MTX3: variants seen among roughly 807,000 people sequenced by gnomAD.
MTX3 encodes metaxin 3, also known as metaxin-3.
In MTX3, 27 loss-of-function variants were observed where a neutral mutation model predicts 42.5. That is an observed-to-expected ratio of 0.64 (90% CI 0.47 to 0.88). The LOEUF (loss-of-function observed/expected upper bound fraction) is 0.88. Among genes scored for constraint, MTX3 ranks in the 40% least tolerant of loss-of-function variants. MTX3 has a pLI of 0.00. For synonymous variants in MTX3, 144 were observed against 132.9 expected (o/e 1.08, Z -0.57); for missense variants, 378 against 367.0 (o/e 1.03, Z -0.25).
rs919251472 is a variant in MTX3, at chr5:79,983,629, G to T, written c.*55C>A. 1.4e-5 allele frequency: 18 copies of T among 1,269,580 alleles called. No homozygotes were observed. Among genetic ancestry groups the T allele is most frequent in the Non-Finnish European group, 1.8e-5 (16 of 865,382 alleles). 78.6% of individuals were successfully genotyped at this position (1,269,580 alleles called of 1,614,324 possible). A position where few individuals can be genotyped will look rare whatever the true frequency, so the allele number is the denominator to read the frequency against. The stretch of plus-strand genomic sequence containing the variant: ...TCTTCTTTTTGCCTTCACACACTTG[G>T]TGTAAGAGATTACTGCAACAATCGT... On this transcript the variant is annotated 3_prime_UTR_variant, in exon 9 of 9. Coordinates refer to ENST00000512528, the MANE Select transcript of MTX3 (RefSeq NM_001363818.2).
rs1214243595 is a variant in MTX3, at chr5:79,979,968, A to G, written c.*3716T>C. The stretch of plus-strand genomic sequence containing the variant: ...TACATTTAATCTATGAATTTACTTT[A>G]AAACCACTTTTATTTTGAAATACTT... On this transcript the variant is annotated 3_prime_UTR_variant, in exon 9 of 9. Transcript: ENST00000512528. 1 of 152,220 alleles carries G rather than the reference A, an allele frequency of 6.6e-6. No individual in the cohort carries two copies. The highest frequency in any genetic ancestry group is 1.5e-5 in the Non-Finnish European group (1 of 68,036). The allele number at this position is 152,220 out of a possible 1,614,324, so 9.4% of individuals were successfully genotyped here.
In MTX3 at chr5:79,988,629, C is replaced by A; in HGVS notation, c.337G>T (p.Val113Phe). 6.3e-7 allele frequency: 1 copy of A among 1,586,732 alleles called. No homozygotes were observed. The highest frequency in any genetic ancestry group is 8.6e-7 in the Non-Finnish European group (1 of 1,165,976). ...ACAGTAAAGTAATTGTCACTCTCAA[C>A]CCAGAATGTGTGAAGCTGCAAAAGA... ...LLPAVLHTFW[V>F]ESDNYFTVTK... Residue 113 changes from valine (V) to phenylalanine (F), a missense_variant, in exon 5 of 9, where the codon GTT (valine) becomes TTT (phenylalanine). Physicochemically the swap from Val to Phe is conservative, Grantham distance 50. Transcript: ENST00000512528.
chr5:79,990,808 C>A (rs964622499), intron 1 of MTX3, 145 bp from the exon 2 acceptor site: 17 of 755,788 alleles, frequency 2.2e-5, no homozygotes, highest in Non-Finnish European at 2.6e-5. Flanking sequence ...CAAGTAGGGA[C>A]GCGGGCGCCA....
rs969670163 is a variant in MTX3 at position 79,985,805 on chromosome 5, T to C, written c.740-146A>G. 3 of 596,254 alleles carry C rather than the reference T, an allele frequency of 5.0e-6. No homozygotes were observed. The Admixed American group carries it at 9.8e-5, about 19-fold the overall frequency. 36.9% of individuals were successfully genotyped at this position (596,254 alleles called of 1,614,324 possible). On this transcript the variant is annotated intron_variant, in intron 7 of 8. Transcript: ENST00000512528. ...GGCAAAGAGGAAAACCATTCTGGGT[T>C]TAAAGGCGAAGAGAGGGATTCGAAT...
At position 79,990,194 on chromosome 5, in the gene MTX3, T is replaced by G; in HGVS notation, c.194A>C (p.Gln65Pro). The G allele has an allele frequency of 6.2e-7, 1 of 1,610,266 alleles. No homozygotes were observed. Among genetic ancestry groups the G allele is most frequent in the Non-Finnish European group, 8.5e-7 (1 of 1,178,334 alleles). Residue 65 changes from glutamine (Q) to proline (P), a missense_variant, in exon 3 of 9, where the codon CAG becomes CCG. Gln to Pro is a moderately conservative substitution (Grantham distance 76, BLOSUM62 -1). Coordinates refer to ENST00000512528, the MANE Select transcript of MTX3 (RefSeq NM_001363818.2). ...TAAAAAGTTTAGTATTTTTGCTGGC[T>G]GAGAAACCATGTCGTCTTCAGTTGT... ...ILTTEDDMVS[Q>P]PAKILNFLRK...
rs1392686319 is a variant in MTX3 at position 79,990,673 on chromosome 5, A to G, written c.82-10T>C. On this transcript the variant is annotated splice_polypyrimidine_tract_variant and intron_variant, in intron 1 of 8. Transcript: ENST00000512528. ...AAAATTTGGCATAAGCCTGAAACAG[A>G]GTTTGCAATCAAACATTTTAGACCA... 6.2e-7 allele frequency: 1 copy of G among 1,609,578 alleles called. No individual in the cohort carries two copies. Among genetic ancestry groups the G allele is most frequent in the Non-Finnish European group, 8.5e-7 (1 of 1,176,394 alleles).
At chr5:79,986,221 A>G (rs576695742) in intron 7 of MTX3, among the ~76,000 whole-genome samples, 4 of 152,342 alleles carry the variant, frequency 2.6e-5, no homozygotes, top group Non-Finnish European at 4.4e-5. Context: ...TCCCAAGTTA[A>G]CACGGTTGAA....
chr5:79,983,124 T>C lies in MTX3; in HGVS notation c.*560A>G, dbSNP rs1341291900. The C allele has an allele frequency of 6.4e-6, 1 of 155,480 alleles. No homozygotes were observed. The highest frequency in any genetic ancestry group is 2.0e-4 in the South Asian group (1 of 5,086). The allele number at this position is 155,480 out of a possible 1,614,324, so 9.6% of individuals were successfully genotyped here. On this transcript the variant is annotated 3_prime_UTR_variant, in exon 9 of 9. Coordinates refer to ENST00000512528, the MANE Select transcript of MTX3 (RefSeq NM_001363818.2). ...CTAAACCCCCAAAAGATTAGACTTA[T>C]GAGAGCATAATTAAAAAGCACATTC...
chr5:79,990,118 T>TCAA (rs1330028874), intron 3 of MTX3, 42 bp downstream of exon 3: 1 of 1,296,062 alleles, frequency 7.7e-7, no homozygotes, highest in Non-Finnish European at 1.1e-6. Flanking sequence ...CATGCAGGGA[T>TCAA]CAACAATCTA....
At chr5:79,985,440 A>T in intron 8 of MTX3, 131 bp downstream of exon 8, 1 of 668,380 alleles carries the variant, frequency 1.5e-6, no homozygotes, top group Non-Finnish European at 2.6e-6. Flanking sequence ...AAGTATATTT[A>T]AACAGTTTTC....
Position 79,978,195 on chromosome 5 carries a change from C to G in MTX3, c.*5489G>C, listed in dbSNP as rs545722859. On this transcript the variant is annotated 3_prime_UTR_variant, in exon 9 of 9. Coordinates refer to ENST00000512528, the MANE Select transcript of MTX3 (RefSeq NM_001363818.2). ...CACTGGCTAGAGGGGCACCCAACAA[C>G]AAGAAACCTTTGTAATGAGTATGAA... is the stretch of plus-strand genomic sequence containing the variant. The G allele has an allele frequency of 5.3e-5, 8 of 152,354 alleles. No homozygotes were observed. Among genetic ancestry groups the G allele is most frequent in the African/African-American group, 1.4e-4 (6 of 41,554 alleles). The allele number at this position is 152,354 out of a possible 1,614,324, so 9.4% of individuals were successfully genotyped here.
chr5:79,989,341 A>C, intron 3 of MTX3, 97 bp from the exon 4 acceptor site: 1 of 726,872 alleles, frequency 1.4e-6, no homozygotes, highest in Non-Finnish European at 2.2e-6. Flanking sequence ...TTCCTTACAA[A>C]TAGCAAACGT....
rs1268286071 is a variant in MTX3, at chr5:79,980,129, C to CA, written c.*3554dup. On this transcript the variant is annotated 3_prime_UTR_variant, in exon 9 of 9. Transcript: ENST00000512528. ...TTTTTGACAGTTGATGAAAAACTGT[C>CA]AAAAAATTGTAACAAGCCTGGTAAA... is the stretch of plus-strand genomic sequence containing the variant. 3 of 152,006 alleles carry CA rather than the reference C, an allele frequency of 2.0e-5. No homozygotes were observed. The highest frequency in any genetic ancestry group is 2.9e-5 in the Non-Finnish European group (2 of 67,978). The allele number at this position is 152,006 out of a possible 1,614,324, so 9.4% of individuals were successfully genotyped here.
rs1238200099 is a variant in MTX3 at position 79,979,852 on chromosome 5, A to G, written c.*3832T>C. On this transcript the variant is annotated 3_prime_UTR_variant, in exon 9 of 9. Transcript: ENST00000512528. Reference sequence around the variant, plus strand: ...TTCTTAAGAATGAAATAAAAATTCTATTTAACTTCTATCATATATTTATTC... The same window carrying G: ...TTCTTAAGAATGAAATAAAAATTCTGTTTAACTTCTATCATATATTTATTC... 1.3e-5 allele frequency: 2 copies of G among 152,072 alleles called. No individual in the cohort carries two copies. The highest frequency in any genetic ancestry group is 2.9e-5 in the Non-Finnish European group (2 of 68,008). The allele number at this position is 152,072 out of a possible 1,614,324, so 9.4% of individuals were successfully genotyped here. A position where few individuals can be genotyped will look rare whatever the true frequency, so the allele number is the denominator to read the frequency against.
intron 3 of MTX3, 148 bp downstream of exon 3, chr5:79,990,012 C>T: frequency 2.1e-6 from 1 of 483,992 alleles, no homozygotes; most frequent in Admixed American, 3.9e-5. Flanking sequence ...TGCTTTAGAG[C>T]AGTGATTCTC....
chr5:79,986,705 G>A, intron 7 of MTX3: 1 of 553,174 alleles, frequency 1.8e-6, no homozygotes, highest in Middle Eastern at 3.2e-4. Context: ...AATATTTAAA[G>A]AACAAGAAGA....
At chr5:79,991,107 C>A in intron 1 of MTX3, 51 bp downstream of exon 1, 1 of 1,504,402 alleles carries the variant, frequency 6.6e-7, no homozygotes, top group Non-Finnish European at 9.0e-7. Context: ...CAGCCTGGCG[C>A]CTCCAGCCCC....
chr5:79,985,722 A>T, intron 7 of MTX3, 63 bp from the exon 8 acceptor site: 1 of 1,221,786 alleles, frequency 8.2e-7, no homozygotes, highest in Non-Finnish European at 1.2e-6. Flanking sequence ...AAAGCTATTT[A>T]GATTGAAAGA....
chr5:79,984,797 GA>G (rs1190528589), intron 8 of MTX3, among the ~76,000 whole-genome samples: 1 of 152,058 alleles, frequency 6.6e-6, no homozygotes, highest in Admixed American at 6.6e-5. Context: ...CTACACTGGT[GA>G]AAAAACTATA....
Sources: gnomAD v4.1 joint callset for allele counts (sites outside exome capture counted in the v4.1 genomes callset) on GRCh38, gnomAD v4.1.1 for gene constraint, MANE v1.5 for transcripts, NCBI Gene and HGNC (gene_info 2026-07-23, HGNC 2026-07-21) for gene names.